BMP5: variants seen among roughly 807,000 people sequenced by gnomAD.
The protein encoded by BMP5 is bone morphogenetic protein 5.
BMP5 carries 23 observed loss-of-function variants against 46.6 expected under a neutral mutation model. The observed-to-expected ratio is 0.49, with a 90% CI of 0.35 to 0.70. BMP5 has a LOEUF of 0.70. Among genes scored for constraint, BMP5 ranks in the 30% least tolerant of loss-of-function variants. The pLI is 0.00. For missense variants in BMP5, 545 were observed against 565.6 expected (o/e 0.96, Z 0.37); for synonymous variants, 204 against 191.9 (o/e 1.06, Z -0.52).
intron 1 of BMP5, among the ~76,000 whole-genome samples, chr6:55,831,859 A>C (rs1016233362): frequency 1.3e-5 from 2 of 152,128 alleles, no homozygotes; most frequent in African/African-American, 4.8e-5. Context: ...ACAGGCTTCC[A>C]GAGACAAAAT....
chr6:55,792,563 GAC>G (rs567671219), intron 3 of BMP5, among the ~76,000 whole-genome samples: 51 of 149,800 alleles, frequency 3.4e-4, no homozygotes, highest in African/African-American at 1.1e-3. Flanking sequence ...AAAGATTTGA[GAC>G]ACATAAAACA....
Position 55,805,069 on chromosome 6 carries a change from T to G in BMP5, c.684-10642A>C, listed in dbSNP as rs573341114. Among the ~76,000 whole-genome samples, 3 of 152,308 alleles carry G rather than the reference T, an allele frequency of 2.0e-5. No individual in the cohort carries two copies. In the South Asian group the frequency reaches 6.2e-4, roughly 32 times the overall value. On this transcript the variant is annotated intron_variant, in intron 2 of 6. Coordinates refer to ENST00000370830, the MANE Select transcript of BMP5 (RefSeq NM_021073.4). ...GCAAGAGACATTGGGTAAACTAATA[T>G]GCACTGGATGGGATGCCCATTCATC...
intron 1 of BMP5, among the ~76,000 whole-genome samples, chr6:55,827,052 T>C (rs975516262): frequency 2.6e-5 from 4 of 151,892 alleles, no homozygotes; most frequent in South Asian, 4.1e-4. Context: ...TCTCCTCCTA[T>C]GCATTTAGTT....
chr6:55,832,403 TC>T (rs1463169479), intron 1 of BMP5, among the ~76,000 whole-genome samples: 1 of 152,098 alleles, frequency 6.6e-6, no homozygotes, highest in Non-Finnish European at 1.5e-5. Flanking sequence ...GGACAATACC[TC>T]CCCAGAAAAG....
In BMP5 at chr6:55,754,548, A is replaced by G. The variant is rs1230690629; in HGVS notation, c.*985T>C. The G allele has an allele frequency of 6.6e-6, 1 of 152,012 alleles. No homozygotes were observed. The highest frequency in any genetic ancestry group is 1.9e-4 in the East Asian group (1 of 5,166). The allele number at this position is 152,012 out of a possible 1,614,324, so 9.4% of individuals were successfully genotyped here. ...TTAGTTTCAGTGCTTTTACTTCTAA[A>G]TAAAATCCCTTGCATCACATCAATC... On this transcript the variant is annotated 3_prime_UTR_variant, in exon 7 of 7. Transcript: ENST00000370830.
chr6:55,767,054 C>A (rs553064859), intron 4 of BMP5, among the ~76,000 whole-genome samples: 4 of 151,974 alleles, frequency 2.6e-5, no homozygotes, highest in Admixed American at 2.6e-4. Context: ...AGAAATTATA[C>A]CCAGATATAT....
At chr6:55,828,575 A>G (rs1333512954) in intron 1 of BMP5, among the ~76,000 whole-genome samples, 1 of 151,862 alleles carries the variant, frequency 6.6e-6, no homozygotes, top group Admixed American at 6.6e-5. Flanking sequence ...TATTTTATTT[A>G]CATAATAAAG....
intron 1 of BMP5, among the ~76,000 whole-genome samples, chr6:55,861,750 T>C (rs1202575027): frequency 6.6e-6 from 1 of 152,236 alleles, no homozygotes; most frequent in Non-Finnish European, 1.5e-5. Context: ...TGCCATTTTA[T>C]GTCCCTTACT....
At chr6:55,768,222 G>A (rs907397309) in intron 4 of BMP5, among the ~76,000 whole-genome samples, 40 of 151,816 alleles carry the variant, frequency 2.6e-4, no homozygotes, top group Admixed American at 2.3e-3. Flanking sequence ...GCAAGAGATA[G>A]CGCCTATCAA....
chr6:55,812,441 T>C (rs918125119), intron 2 of BMP5, among the ~76,000 whole-genome samples: 6 of 152,196 alleles, frequency 3.9e-5, no homozygotes, highest in Admixed American at 6.5e-5. Context: ...AAATAATTCA[T>C]AGATTAGATG....
intron 4 of BMP5, among the ~76,000 whole-genome samples, chr6:55,766,735 T>G (rs1430613161): frequency 5.3e-5 from 8 of 152,078 alleles, no homozygotes; most frequent in African/African-American, 1.9e-4. Flanking sequence ...CTACTCTTTA[T>G]GATTTGGCCC....
At chr6:55,844,223 G>C (rs1777041796) in intron 1 of BMP5, among the ~76,000 whole-genome samples, 1 of 151,990 alleles carries the variant, frequency 6.6e-6, no homozygotes. Context: ...AGCAAGTAAA[G>C]TTTGAAGCTG....
intron 1 of BMP5, among the ~76,000 whole-genome samples, chr6:55,831,125 C>T (rs1386875043): frequency 2.0e-5 from 3 of 152,002 alleles, no homozygotes; most frequent in South Asian, 2.1e-4. Flanking sequence ...GCCAGGATGT[C>T]GACAGCTAGG....
chr6:55,827,569 A>G (rs1776562504), intron 1 of BMP5, among the ~76,000 whole-genome samples: 1 of 151,774 alleles, frequency 6.6e-6, no homozygotes, highest in African/African-American at 2.4e-5. Flanking sequence ...TTTAAGTCTT[A>G]AAGTCATTAA....
intron 1 of BMP5, among the ~76,000 whole-genome samples, chr6:55,859,434 T>C (rs2127552930): frequency 6.6e-6 from 1 of 152,330 alleles, no homozygotes; most frequent in South Asian, 2.1e-4. Context: ...AAATACTGTT[T>C]ATGCAAATAT....
chr6:55,848,242 G>A (rs1446354111), intron 1 of BMP5, among the ~76,000 whole-genome samples: 1 of 151,880 alleles, frequency 6.6e-6, no homozygotes, highest in East Asian at 1.9e-4. Flanking sequence ...AAATTCAGCT[G>A]ACTCCTGGTT....
chr6:55,861,812 A>T (rs1777532135), intron 1 of BMP5, among the ~76,000 whole-genome samples: 1 of 152,232 alleles, frequency 6.6e-6, no homozygotes, highest in African/African-American at 2.4e-5. Context: ...GAAAGTATAT[A>T]GAACTTTACA....
intron 2 of BMP5, among the ~76,000 whole-genome samples, chr6:55,807,961 T>A (rs1173977022): frequency 6.6e-6 from 1 of 152,136 alleles, no homozygotes; most frequent in Non-Finnish European, 1.5e-5. Flanking sequence ...TTGGATGGCA[T>A]GGGGAGCAGG....
At chr6:55,800,636 C>T (rs1775826484) in intron 2 of BMP5, among the ~76,000 whole-genome samples, 1 of 151,972 alleles carries the variant, frequency 6.6e-6, no homozygotes, top group Non-Finnish European at 1.5e-5. Flanking sequence ...GGAGTATTCT[C>T]ATTATAAGAC....
Sources: gnomAD v4.1 joint callset for allele counts (sites outside exome capture counted in the v4.1 genomes callset) on GRCh38, gnomAD v4.1.1 for gene constraint, MANE v1.5 for transcripts, NCBI Gene and HGNC (gene_info 2026-07-23, HGNC 2026-07-21) for gene names.